The following KIF6 variants were observed in gnomAD, a reference collection of about 807,000 sequenced individuals.
The protein encoded by KIF6 is kinesin family member 6, also known as kinesin-like protein KIF6.
A neutral mutation model predicts 112.7 loss-of-function variants in KIF6; 106 were observed. The observed-to-expected ratio is 0.94, with a 90% CI of 0.80 to 1.11. The LOEUF is 1.11. Among genes scored for constraint, KIF6 ranks in the 50% least tolerant of loss-of-function variants. The pLI is 0.00. For synonymous variants in KIF6, 339 were observed against 339.9 expected, an observed-to-expected ratio of 1.00 and a Z score of 0.03; for missense variants, 929 against 964.0, an observed-to-expected ratio of 0.96 and a Z score of 0.48.
intron 16 of KIF6, among the ~76,000 whole-genome samples, chr6:39,364,410 C>T (rs374137001): frequency 2.0e-5 from 3 of 152,124 alleles, no homozygotes; most frequent in African/African-American, 2.4e-5. Flanking sequence ...TGAGCCACCG[C>T]GCCCAGCCCC....
intron 6 of KIF6, among the ~76,000 whole-genome samples, chr6:39,607,330 C>A (rs1474449058): frequency 6.6e-6 from 1 of 152,030 alleles, no homozygotes; most frequent in African/African-American, 2.4e-5. Context: ...CAGGTTAGAT[C>A]AGAATGCAAA....
intron 13 of KIF6, among the ~76,000 whole-genome samples, chr6:39,464,127 C>G (rs561060930): frequency 6.6e-6 from 1 of 152,088 alleles, no homozygotes; most frequent in Non-Finnish European, 1.5e-5. Flanking sequence ...GAAGAGCTTG[C>G]AGATGGTGGC....
At chr6:39,690,787 G>A (rs1788157960) in intron 3 of KIF6, 1 of 152,520 alleles carries the variant, frequency 6.6e-6, no homozygotes, top group African/African-American at 2.4e-5. Context: ...CAGGTAAGCT[G>A]AGAAACCAGC....
At chr6:39,614,602 T>C (rs1045847399) in intron 5 of KIF6, among the ~76,000 whole-genome samples, 1 of 152,208 alleles carries the variant, frequency 6.6e-6, no homozygotes, top group Admixed American at 6.5e-5. Flanking sequence ...AATATGTCAC[T>C]AATAATGTCC....
In KIF6 at chr6:39,339,354, G is replaced by A. The variant is rs552452474; in HGVS notation, c.2429-2806C>T. Among the ~76,000 whole-genome samples, 5 of 152,236 alleles carry A rather than the reference G, an allele frequency of 3.3e-5. 1 individual carries two copies. In the South Asian group the frequency reaches 1.0e-3, roughly 32 times the overall value. ...ACAGACAGTGAGAGGGAGGCTTGGG[G>A]AGGTGACCTGCCCAGTGTCACGCAG... On this transcript the variant is annotated intron_variant, in intron 22 of 22. Transcript: ENST00000287152.
intron 5 of KIF6, among the ~76,000 whole-genome samples, chr6:39,624,834 T>G (rs1395747837): frequency 7.3e-6 from 1 of 136,654 alleles, no homozygotes; most frequent in African/African-American, 2.8e-5. Context: ...ACGCATCACT[T>G]ATTAGGCAAT....
At chr6:39,481,008 C>G (rs1001357493) in intron 13 of KIF6, among the ~76,000 whole-genome samples, 1 of 151,974 alleles carries the variant, frequency 6.6e-6, no homozygotes, top group Non-Finnish European at 1.5e-5. Context: ...AAAGAACCGG[C>G]CTTTTGTTTC....
intron 13 of KIF6, among the ~76,000 whole-genome samples, chr6:39,497,656 G>A (rs946902152): frequency 8.5e-5 from 13 of 152,128 alleles, no homozygotes; most frequent in African/African-American, 2.9e-4. Flanking sequence ...CATGAGGTTC[G>A]ATGGGGCCAG....
chr6:39,695,801 T>C (rs1441350255), intron 3 of KIF6, among the ~76,000 whole-genome samples: 1 of 152,150 alleles, frequency 6.6e-6, no homozygotes, highest in Non-Finnish European at 1.5e-5. Context: ...ACTGGGTATA[T>C]ACTCAAAAGA....
chr6:39,526,922 G>A (rs1451443991), intron 13 of KIF6, among the ~76,000 whole-genome samples: 1 of 152,110 alleles, frequency 6.6e-6, no homozygotes, highest in African/African-American at 2.4e-5. Context: ...TCATGCTTAA[G>A]GCCTGCAACA....
At position 39,596,236 on chromosome 6, in the gene KIF6, G is replaced by A. The variant is rs1026177009; in HGVS notation, c.664C>T (p.Arg222Cys). 6.2e-6 allele frequency: 10 copies of A among 1,613,834 alleles called. No homozygotes were observed. Among genetic ancestry groups the A allele is most frequent in the East Asian group, 4.5e-5 (2 of 44,860 alleles). Residue 222 changes from arginine to cysteine, a missense_variant, in exon 7 of 23, where the codon CGT becomes TGT. Physicochemically the swap from Arg to Cys is radical, Grantham distance 180 (BLOSUM62 -3). Transcript: ENST00000287152. ...AETPMNQAST[R>C]SHCIFTIHLS... ...TGAATGGTGAAAATGCAGTGGGAAC[G>A]GGTTGAAGCTTGGTTCATAGGAGTC... is the stretch of plus-strand genomic sequence containing the variant.
intron 10 of KIF6, among the ~76,000 whole-genome samples, chr6:39,573,933 A>C (rs1365286063): frequency 1.3e-5 from 2 of 152,244 alleles, no homozygotes; most frequent in African/African-American, 4.8e-5. Flanking sequence ...TGTTAGATAA[A>C]TAATGAGTGT....
chr6:39,656,209 G>A (rs951952625), intron 3 of KIF6, among the ~76,000 whole-genome samples: 5 of 152,218 alleles, frequency 3.3e-5, no homozygotes, highest in African/African-American at 9.7e-5. Flanking sequence ...GGCAACAACT[G>A]GCTGAGGCCA....
intron 3 of KIF6, among the ~76,000 whole-genome samples, chr6:39,678,438 T>G (rs1787308466): frequency 6.6e-6 from 1 of 152,234 alleles, no homozygotes; most frequent in African/African-American, 2.4e-5. Flanking sequence ...CAATAAATAT[T>G]TCACTTACAG....
chr6:39,555,953 C>CAAA lies in KIF6; in HGVS notation c.1182-10268_1182-10266dup, dbSNP rs35420944. ...TGGGCGACAGAGTGAGACGCTGTCTCAAAAAAAAAAAAAAAAAAAAAGAAG... is the reference window on the plus strand; with the variant it reads ...TGGGCGACAGAGTGAGACGCTGTCTCAAAAAAAAAAAAAAAAAAAAAAAAGAAG... On this transcript the variant is annotated intron_variant, in intron 10 of 22. Coordinates refer to ENST00000287152, the MANE Select transcript of KIF6 (RefSeq NM_145027.6). Among the ~76,000 whole-genome samples, 512 of 76,762 alleles carry CAAA rather than the reference C, an allele frequency of 6.7e-3. 14 individuals are homozygous for CAAA. The highest frequency in any genetic ancestry group is 0.015 in the African/African-American group (300 of 20,628). 50.4% of individuals were successfully genotyped at this position (76,762 alleles called of 152,430 possible). A position where few individuals can be genotyped will look rare whatever the true frequency, so the allele number is the denominator to read the frequency against.
At chr6:39,472,623 A>G (rs1774182960) in intron 13 of KIF6, among the ~76,000 whole-genome samples, 1 of 152,146 alleles carries the variant, frequency 6.6e-6, no homozygotes, top group Non-Finnish European at 1.5e-5. Context: ...CGAATATAAA[A>G]ACATATTCCA....
At chr6:39,589,791 G>A (rs1781833550) in intron 7 of KIF6, among the ~76,000 whole-genome samples, 1 of 152,186 alleles carries the variant, frequency 6.6e-6, no homozygotes, top group Non-Finnish European at 1.5e-5. Flanking sequence ...TAGTGGTGTG[G>A]TTAGGTGTGT....
intron 1 of KIF6, among the ~76,000 whole-genome samples, chr6:39,722,986 T>C (rs1790311916): frequency 6.6e-6 from 1 of 152,228 alleles, no homozygotes; most frequent in Non-Finnish European, 1.5e-5. Context: ...TCCACTTCCC[T>C]GAGCCCCACC....
At chr6:39,483,767 G>A (rs1008104659) in intron 13 of KIF6, among the ~76,000 whole-genome samples, 1 of 152,158 alleles carries the variant, frequency 6.6e-6, no homozygotes, top group African/African-American at 2.4e-5. Context: ...TAAGAGAAAA[G>A]GGAAATGGAA....
Sources: allele counts gnomAD v4.1 joint callset (sites outside exome capture counted in the v4.1 genomes callset), GRCh38; gene constraint gnomAD v4.1.1; transcripts MANE v1.5; gene names NCBI Gene and HGNC (gene_info 2026-07-23, HGNC 2026-07-21).